Variants in NHSL2 observed in about 807,000 individuals in gnomAD.
NHSL2 encodes the protein NHS like 2.
A neutral mutation model predicts 53.4 loss-of-function variants in NHSL2; 27 were observed. The observed-to-expected ratio is 0.51, with a 90% confidence interval of 0.37 to 0.70. The LOEUF is 0.70. Among genes scored for constraint, NHSL2 ranks in the 30% least tolerant of loss-of-function variants. The pLI is 0.00. For missense variants in NHSL2, 892 were observed against 980.1 expected, an observed-to-expected ratio of 0.91 and a Z score of 1.20; for synonymous variants, 408 against 404.1, an observed-to-expected ratio of 1.01 and a Z score of -0.12.
chrX:72,100,348 A>G (rs142518385), intron 1 of NHSL2, among the ~76,000 whole-genome samples: 115 of 112,572 alleles, frequency 1.0e-3, no homozygotes, highest in African/African-American at 3.7e-3. Context: ...GACTGTGCTG[A>G]ATACTACAGG....
Position 71,935,030 on chromosome X carries a change from C to T in NHSL2, c.280+23663C>T, listed in dbSNP as rs941131489. 2.7e-5 allele frequency among the ~76,000 whole-genome samples: 3 copies of T among 110,964 alleles called. No individual in the cohort carries two copies. In the East Asian group the frequency reaches 8.5e-4, roughly 31 times the overall value. On this transcript the variant is annotated intron_variant, in intron 1 of 7. Transcript: ENST00000633930. The stretch of plus-strand genomic sequence containing the variant: ...TTTTTTGTTTTTCAGGCAAGCTGTT[C>T]AGTAAAGGACACTCATGCACACCCA...
At chrX:71,986,346 T>TTATCATGA (rs1303735827) in intron 1 of NHSL2, among the ~76,000 whole-genome samples, 11 of 111,766 alleles carry the variant, frequency 9.8e-5, no homozygotes, top group Admixed American at 4.8e-4. Flanking sequence ...AGTCACTCAT[T>TTATCATGA]TAACCAAAAT....
At chrX:72,121,175 G>A (rs1207798947) in intron 1 of NHSL2, among the ~76,000 whole-genome samples, 2 of 112,201 alleles carry the variant, frequency 1.8e-5, no homozygotes, top group Non-Finnish European at 3.8e-5. Flanking sequence ...TCAGCTGACA[G>A]ACGGTAAAGT....
chrX:71,984,826 C>T (rs1355989283), intron 1 of NHSL2, among the ~76,000 whole-genome samples: 3 of 91,285 alleles, frequency 3.3e-5, no homozygotes, highest in Admixed American at 1.3e-4. Context: ...TATTTCTTTC[C>T]TTTTTTTTTT....
At chrX:71,964,031 A>ATATGTG (rs2041887584) in intron 1 of NHSL2, among the ~76,000 whole-genome samples, 4 of 40,240 alleles carry the variant, frequency 9.9e-5, no homozygotes, top group East Asian at 1.3e-3. Context: ...ATATGTGTAT[A>ATATGTG]TATATATATA....
intron 1 of NHSL2, among the ~76,000 whole-genome samples, chrX:71,978,756 G>GTT (rs56017757): frequency 5.7e-4 from 48 of 83,621 alleles, no homozygotes; most frequent in African/African-American, 1.9e-3. Flanking sequence ...ACTTGTCAAG[G>GTT]TTTTTTTTTT....
intron 1 of NHSL2, among the ~76,000 whole-genome samples, chrX:72,065,340 A>G (rs757660283): frequency 1.8e-5 from 2 of 112,556 alleles, no homozygotes; most frequent in East Asian, 5.6e-4. Flanking sequence ...CAAAGAATTC[A>G]TAAGTTGCTG....
chrX:71,919,244 G>T (rs1429816760), intron 1 of NHSL2, among the ~76,000 whole-genome samples: 1 of 112,237 alleles, frequency 8.9e-6, no homozygotes, highest in Non-Finnish European at 1.9e-5. Flanking sequence ...TCCAGGTGAA[G>T]TCCCACTTGC....
intron 1 of NHSL2, among the ~76,000 whole-genome samples, chrX:72,101,857 C>G (rs976423478): frequency 1.8e-5 from 2 of 111,853 alleles, no homozygotes; most frequent in African/African-American, 6.5e-5. Flanking sequence ...TGCTTGGTCA[C>G]ACAAGCTGTG....
At chrX:71,972,121 A>G (rs1397563976) in intron 1 of NHSL2, among the ~76,000 whole-genome samples, 1 of 106,144 alleles carries the variant, frequency 9.4e-6, no homozygotes, top group Non-Finnish European at 1.9e-5. Flanking sequence ...TGCAACCTCC[A>G]CCTCCCAGGT....
At chrX:72,136,648 T>C (rs766499225) in intron 4 of NHSL2, among the ~76,000 whole-genome samples, 7 of 111,807 alleles carry the variant, frequency 6.3e-5, no homozygotes, top group Non-Finnish European at 1.3e-4. Context: ...AGGCCTTCTC[T>C]GAGAAAAGAT....
At chrX:72,026,934 T>C (rs2042189047) in intron 1 of NHSL2, among the ~76,000 whole-genome samples, 1 of 112,299 alleles carries the variant, frequency 8.9e-6, no homozygotes, top group Non-Finnish European at 1.9e-5. Flanking sequence ...GTGCTACCTT[T>C]TGTTATAAGA....
chrX:71,974,980 A>T (rs1035537649), intron 1 of NHSL2, among the ~76,000 whole-genome samples: 11 of 112,065 alleles, frequency 9.8e-5, no homozygotes, highest in African/African-American at 3.2e-4. Flanking sequence ...CTCCAAAGAG[A>T]AGATTCAGCC....
At chrX:72,001,884 T>C (rs1401978168) in intron 1 of NHSL2, among the ~76,000 whole-genome samples, 1 of 112,646 alleles carries the variant, frequency 8.9e-6, no homozygotes, top group Non-Finnish European at 1.9e-5. Context: ...CTAGGACTTA[T>C]TGTCAGCAGC....
At chrX:71,950,922 C>G (rs190567410) in intron 1 of NHSL2, among the ~76,000 whole-genome samples, 2 of 109,667 alleles carry the variant, frequency 1.8e-5, no homozygotes, top group Admixed American at 2.0e-4. Context: ...AACTCCCGGG[C>G]TTGGCATTCA....
intron 1 of NHSL2, among the ~76,000 whole-genome samples, chrX:72,101,080 G>A (rs1043031670): frequency 3.2e-4 from 34 of 107,651 alleles, no homozygotes; most frequent in African/African-American, 9.9e-4. Context: ...TGGCAACGGG[G>A]CTCTGAGGAA....
intron 1 of NHSL2, among the ~76,000 whole-genome samples, chrX:71,926,258 C>A (rs1456131562): frequency 8.9e-6 from 1 of 111,875 alleles, no homozygotes; most frequent in African/African-American, 3.3e-5. Flanking sequence ...TAAAACTGAC[C>A]TGCCCACAGT....
intron 1 of NHSL2, among the ~76,000 whole-genome samples, chrX:72,002,764 C>T (rs1437990515): frequency 4.5e-5 from 5 of 112,062 alleles, no homozygotes; most frequent in Admixed American, 1.9e-4. Context: ...AACTCACAAA[C>T]TCTGAGACTT....
At chrX:71,988,792 A>G (rs2042014196) in intron 1 of NHSL2, among the ~76,000 whole-genome samples, 1 of 111,409 alleles carries the variant, frequency 9.0e-6, no homozygotes, top group Non-Finnish European at 1.9e-5. Flanking sequence ...TCGCGCAAGA[A>G]AGAATTTGGG....
Sources: gnomAD v4.1 joint callset for allele counts (sites outside exome capture counted in the v4.1 genomes callset) on GRCh38, gnomAD v4.1.1 for gene constraint, MANE v1.5 for transcripts, NCBI Gene and HGNC (gene_info 2026-07-23, HGNC 2026-07-21) for gene names.